DNAJC21: variants seen among roughly 807,000 people sequenced by gnomAD.
DNAJC21 encodes dnaJ homolog subfamily C member 21.
In DNAJC21, 63 loss-of-function variants were observed where a neutral mutation model predicts 72.4. The ratio of observed to expected loss-of-function variants is 0.87; its 90% CI spans 0.71 to 1.07. The LOEUF is 1.07. Among genes scored for constraint, DNAJC21 ranks in the 50% least tolerant of loss-of-function variants. The probability of loss-of-function intolerance (pLI) is 0.00; values close to 1 mark genes in which losing one functional copy is unlikely to be tolerated. For synonymous variants in DNAJC21, 203 were observed against 216.7 expected, an observed-to-expected ratio of 0.94 and a Z score of 0.56; for missense variants, 634 against 644.8, an observed-to-expected ratio of 0.98 and a Z score of 0.18.
chr5:34,954,581 A>G lies in DNAJC21; in HGVS notation c.1463A>G (p.His488Arg), dbSNP rs750856412. 6.2e-7 allele frequency: 1 copy of G among 1,613,110 alleles called. No individual in the cohort carries two copies. Among genetic ancestry groups the G allele is most frequent in the South Asian group, 1.1e-5 (1 of 90,872 alleles). The stretch of plus-strand genomic sequence containing the variant: ...GTTCTTATCAGCTGTACAACCTGCC[A>G]TAGTGAATTTCCATCTCGGAATAAA... ...MSVLISCTTC[H>R]SEFPSRNKLF... The change falls in exon 12 of 12, where the codon CAT becomes CGT. Residue 488 changes from histidine to arginine, a missense_variant. His to Arg is a conservative substitution (Grantham distance 29). Transcript: ENST00000648817.
intron 6 of DNAJC21, among the ~76,000 whole-genome samples, chr5:34,940,864 G>C (rs896121035): frequency 1.3e-5 from 2 of 152,164 alleles, no homozygotes; most frequent in African/African-American, 4.8e-5. Flanking sequence ...AGACTTTAAA[G>C]ATGTTTTATA....
At chr5:34,944,647 C>T (rs991945578) in intron 7 of DNAJC21, among the ~76,000 whole-genome samples, 4 of 151,376 alleles carry the variant, frequency 2.6e-5, no homozygotes, top group South Asian at 2.1e-4. Flanking sequence ...AGTGTGGCCA[C>T]GAGCTTCCAG....
At chr5:34,948,859 T>C in intron 9 of DNAJC21, among the ~76,000 whole-genome samples, 1 of 150,158 alleles carries the variant, frequency 6.7e-6, no homozygotes, top group East Asian at 1.9e-4. Context: ...AGCAAGACTG[T>C]CTCAAAAAAA....
rs553998636 is a variant in DNAJC21, at chr5:34,943,611, G to C, written c.984-1256G>C. Among the ~76,000 whole-genome samples, 15 of 152,304 alleles carry C rather than the reference G, an allele frequency of 9.8e-5. No homozygotes were observed. The East Asian group carries it at 2.9e-3, about 29-fold the overall frequency. ...TGAGGAGACACTTTAAAACTATGCA[G>C]ATATCTTGCTTCTCATAAAAGTTTT... On this transcript the variant is annotated intron_variant, in intron 7 of 11. Coordinates refer to ENST00000648817, the MANE Select transcript of DNAJC21 (RefSeq NM_001012339.3).
At chr5:34,935,474 G>A (rs117663802) in intron 2 of DNAJC21, among the ~76,000 whole-genome samples, 1 of 152,244 alleles carries the variant, frequency 6.6e-6, no homozygotes, top group East Asian at 1.9e-4. Context: ...AAATTCCCCT[G>A]TTCATGTGGG....
intron 7 of DNAJC21, among the ~76,000 whole-genome samples, chr5:34,942,029 C>T (rs60777946): frequency 3.3e-4 from 50 of 152,254 alleles, no homozygotes; most frequent in African/African-American, 1.1e-3. Context: ...TACTGATTGT[C>T]ACTCATCCCA....
intron 1 of DNAJC21, among the ~76,000 whole-genome samples, chr5:34,931,226 C>T (rs1764582833): frequency 6.6e-6 from 1 of 152,092 alleles, no homozygotes; most frequent in South Asian, 2.1e-4. Context: ...TAAAGTTATG[C>T]TTACCAACAG....
At chr5:34,942,182 C>T (rs1012302601) in intron 7 of DNAJC21, among the ~76,000 whole-genome samples, 1 of 152,138 alleles carries the variant, frequency 6.6e-6, no homozygotes, top group Non-Finnish European at 1.5e-5. Flanking sequence ...ACTCACTTCC[C>T]ACCATCATTG....
rs969533592 is a variant in DNAJC21 at position 34,949,445 on chromosome 5, G to T, written c.1186-725G>T. 23 of 1,521,018 alleles carry T rather than the reference G, an allele frequency of 1.5e-5. No homozygotes were observed. In the African/African-American group the frequency reaches 2.9e-4, roughly 19 times the overall value. 94.2% of individuals were successfully genotyped at this position (1,521,018 alleles called of 1,614,324 possible). A position where few individuals can be genotyped will look rare whatever the true frequency, so the allele number is the denominator to read the frequency against. On this transcript the variant is annotated intron_variant, in intron 9 of 11. Coordinates refer to ENST00000648817, the MANE Select transcript of DNAJC21 (RefSeq NM_001012339.3). ...CCTGTATATCCCTATACAGGAAAAG[G>T]AGTAATTGGTAAATTTGAATGTGGG...
rs112971776 is a variant in DNAJC21 at position 34,949,639 on chromosome 5, G to A, written c.1186-531G>A. 2.5e-4 allele frequency: 405 copies of A among 1,612,044 alleles called. No homozygotes were observed. In the African/African-American group the frequency reaches 4.6e-3, roughly 18 times the overall value. ...GGGAGAGAGAAGAGATGGAGAGAGC[G>A]AGCACAAATGTGCCAAAATGTTGCT... On this transcript the variant is annotated intron_variant, in intron 9 of 11. Transcript: ENST00000648817.
rs115667952 is a variant in DNAJC21 at position 34,946,852 on chromosome 5, T to G, written c.1185+1049T>G. ...TTAATGGAGCATAGATTCTATTGAT[T>G]GCAACCATAAACACATACGTTAGTA... On this transcript the variant is annotated intron_variant, in intron 9 of 11. Coordinates refer to ENST00000648817, the MANE Select transcript of DNAJC21 (RefSeq NM_001012339.3). Among the ~76,000 whole-genome samples, 1,154 of 152,324 alleles carry G rather than the reference T, an allele frequency of 7.6e-3. 11 individuals carry two copies. The highest frequency in any genetic ancestry group is 0.054 in the Middle Eastern group (16 of 294).
intron 2 of DNAJC21, among the ~76,000 whole-genome samples, chr5:34,935,381 C>T (rs976333795): frequency 6.6e-5 from 10 of 152,062 alleles, no homozygotes; most frequent in African/African-American, 2.4e-4. Flanking sequence ...TTCTGTGGGC[C>T]AGATTTCCTA....
intron 9 of DNAJC21, chr5:34,949,501 C>T (rs1285321156): frequency 1.3e-6 from 2 of 1,550,772 alleles, no homozygotes; most frequent in Admixed American, 3.9e-5. Flanking sequence ...GCATTAGATT[C>T]TTGAGTGTGA....
chr5:34,958,128 T>C lies in DNAJC21; in HGVS notation c.*3414T>C, dbSNP rs1765588329. On this transcript the variant is annotated 3_prime_UTR_variant, in exon 12 of 12. Transcript: ENST00000648817. ...ACTCCCAACTCAGTAGGCCTTCTGT[T>C]ACACCTCAAAATGTGTTACATGGGA... 6.6e-6 allele frequency: 1 copy of C among 152,234 alleles called. No homozygotes were observed. The highest frequency in any genetic ancestry group is 1.5e-5 in the Non-Finnish European group (1 of 68,048). The allele number at this position is 152,234 out of a possible 1,614,324, so 9.4% of individuals were successfully genotyped here.
In DNAJC21 at chr5:34,950,189, A is replaced by G. The variant is rs764938030; in HGVS notation, c.1205A>G (p.Asn402Ser). Reference protein sequence around the residue: ...KPAQNYDDNFNVNGPGEGVKV... With the variant: ...KPAQNYDDNFSVNGPGEGVKV... ...ACCTAGAATTATGATGACAATTTCA[A>G]TGTAAATGGACCTGGAGAAGGAGTA... Residue 402 changes from asparagine to serine, a missense_variant, in exon 10 of 12, where the codon AAT (asparagine) becomes AGT (serine). Transcript: ENST00000648817. 8 of 1,605,710 alleles carry G rather than the reference A, an allele frequency of 5.0e-6. No homozygotes were observed. The highest frequency in any genetic ancestry group is 6.8e-6 in the Non-Finnish European group (8 of 1,177,460).
At chr5:34,930,862 T>C (rs1241722481) in intron 1 of DNAJC21, among the ~76,000 whole-genome samples, 3 of 152,162 alleles carry the variant, frequency 2.0e-5, no homozygotes, top group Non-Finnish European at 2.9e-5. Flanking sequence ...TAAATACAAC[T>C]GCCAGAAAAA....
chr5:34,956,030 G>A lies in DNAJC21; in HGVS notation c.*1316G>A, dbSNP rs1426242718. On this transcript the variant is annotated 3_prime_UTR_variant, in exon 12 of 12. Coordinates refer to ENST00000648817, the MANE Select transcript of DNAJC21 (RefSeq NM_001012339.3). Reference sequence around the variant, plus strand: ...ATCCCGCCACTGCACTCCAGCCTGGGCGACAGAGCGAGACTCCGTCTCAAA... The same window carrying A: ...ATCCCGCCACTGCACTCCAGCCTGGACGACAGAGCGAGACTCCGTCTCAAA... 1 of 137,046 alleles carries A rather than the reference G, an allele frequency of 7.3e-6. No individual in the cohort carries two copies. Among genetic ancestry groups the A allele is most frequent in the African/African-American group, 2.8e-5 (1 of 36,064 alleles). 8.5% of individuals were successfully genotyped at this position (137,046 alleles called of 1,614,324 possible).
intron 6 of DNAJC21, among the ~76,000 whole-genome samples, chr5:34,940,427 A>G (rs1764948247): frequency 1.3e-5 from 2 of 152,232 alleles, no homozygotes; most frequent in African/African-American, 4.8e-5. Flanking sequence ...AATATGGAAG[A>G]TACCTTGAGA....
chr5:34,940,751 A>T (rs541711599), intron 6 of DNAJC21, among the ~76,000 whole-genome samples: 2 of 152,220 alleles, frequency 1.3e-5, no homozygotes, highest in African/African-American at 4.8e-5. Context: ...TTTGGACCAA[A>T]TCTTGCTCAA....
Sources: allele counts gnomAD v4.1 joint callset (sites outside exome capture counted in the v4.1 genomes callset), GRCh38; gene constraint gnomAD v4.1.1; transcripts MANE v1.5; gene names NCBI Gene and HGNC (gene_info 2026-07-23, HGNC 2026-07-21).